The following LYPLAL1 variants were observed in gnomAD, a reference collection of about 807,000 sequenced individuals.
The protein encoded by LYPLAL1 is lysophospholipase-like protein 1.
Under a neutral mutation model 19.7 loss-of-function variants are expected in LYPLAL1, and 23 were observed. The ratio of observed to expected loss-of-function variants is 1.17; its 90% CI spans 0.84 to 1.65. The LOEUF (loss-of-function observed/expected upper bound fraction) is 1.65. Ranked by LOEUF, LYPLAL1 falls within the 40% of genes most tolerant of loss-of-function variation. The pLI is 0.00. For synonymous variants in LYPLAL1, 119 were observed against 96.3 expected, an observed-to-expected ratio of 1.24 and a Z score of -1.38; for missense variants, 355 against 279.4, an observed-to-expected ratio of 1.27 and a Z score of -1.93.
At chr1:219,315,758 C>T in the LYPLAL1 span, among the ~76,000 whole-genome samples, 3 of 152,112 alleles carry the variant, frequency 2.0e-5, no homozygotes, top group Non-Finnish European at 2.9e-5. Context: ...CAGATACTGG[C>T]AAAATTTCAG....
At chr1:219,415,721 C>T in the LYPLAL1 span, among the ~76,000 whole-genome samples, 1 of 152,200 alleles carries the variant, frequency 6.6e-6, no homozygotes, top group African/African-American at 2.4e-5. Context: ...TTTTGTCTCC[C>T]AGTTCTAGGG....
At chr1:219,311,789 A>G in the LYPLAL1 span, among the ~76,000 whole-genome samples, 2 of 152,282 alleles carry the variant, frequency 1.3e-5, no homozygotes, top group African/African-American at 2.4e-5. Flanking sequence ...CTGATTTTGT[A>G]CCTGGTGCTG....
the LYPLAL1 span, among the ~76,000 whole-genome samples, chr1:219,343,567 A>C: frequency 6.6e-6 from 1 of 152,184 alleles, no homozygotes; most frequent in African/African-American, 2.4e-5. Flanking sequence ...TACCACTTTC[A>C]AAATGTTGCA....
chr1:219,254,701 G>C, the LYPLAL1 span, among the ~76,000 whole-genome samples: 2 of 151,940 alleles, frequency 1.3e-5, no homozygotes, highest in African/African-American at 4.8e-5. Context: ...CTGTCTAGCT[G>C]CCTTTAACAT....
At position 219,211,614 on chromosome 1, in the gene LYPLAL1, C is replaced by T; in HGVS notation, c.600C>T (p.Thr200=). The change falls in exon 5 of 5, where the codon ACC becomes ACT. Residue 200 remains threonine (T), a synonymous_variant. Coordinates refer to ENST00000366928, the MANE Select transcript of LYPLAL1 (RefSeq NM_138794.5). ...CAATGTTAAAATCTCTAGGAGTGAC[C>T]ACGAAGTTTCATAGTTTTCCAAATG... ...TNSMLKSLGV[T]TKFHSFPNVY... The T allele has an allele frequency of 6.2e-7, 1 of 1,613,212 alleles. No homozygotes were observed. The highest frequency in any genetic ancestry group is 2.2e-5 in the East Asian group (1 of 44,830).
At chr1:219,356,761 C>G in the LYPLAL1 span, among the ~76,000 whole-genome samples, 1 of 152,060 alleles carries the variant, frequency 6.6e-6, no homozygotes, top group Admixed American at 6.6e-5. Flanking sequence ...AAATTACTTG[C>G]AATATGAAGT....
the LYPLAL1 span, among the ~76,000 whole-genome samples, chr1:219,232,459 C>A: frequency 6.6e-6 from 1 of 152,068 alleles, no homozygotes; most frequent in Admixed American, 6.6e-5. Context: ...AAGAAAGTTT[C>A]ATGATAATGG....
the LYPLAL1 span, among the ~76,000 whole-genome samples, chr1:219,307,459 C>A: frequency 6.6e-6 from 1 of 152,096 alleles, no homozygotes; most frequent in African/African-American, 2.4e-5. Context: ...AATAAATTTG[C>A]ATTTTGTTAA....
chr1:219,226,107 G>C, the LYPLAL1 span, among the ~76,000 whole-genome samples: 1 of 152,036 alleles, frequency 6.6e-6, no homozygotes, highest in African/African-American at 2.4e-5. Context: ...TTTACATGTT[G>C]GTCCTGTACC....
the LYPLAL1 span, among the ~76,000 whole-genome samples, chr1:219,367,696 G>A: frequency 3.9e-5 from 6 of 152,142 alleles, no homozygotes; most frequent in African/African-American, 1.4e-4. Flanking sequence ...TACATAAGCC[G>A]TGTTGACTCT....
chr1:219,177,070 A>G (rs1655878539), intron 1 of LYPLAL1, among the ~76,000 whole-genome samples: 1 of 152,250 alleles, frequency 6.6e-6, no homozygotes. Context: ...TAAAGTAGTC[A>G]GGTTATGCCT....
the LYPLAL1 span, among the ~76,000 whole-genome samples, chr1:219,241,134 C>CTCTCTCTCTATATATATATA: frequency 2.6e-3 from 117 of 44,296 alleles, no homozygotes; most frequent in Non-Finnish European, 4.1e-3. Context: ...CTCTCTCTCT[C>CTCTCTCTCTATATATATATA]TATATATATA....
At chr1:219,414,171 TTA>T in the LYPLAL1 span, among the ~76,000 whole-genome samples, 1 of 152,202 alleles carries the variant, frequency 6.6e-6, no homozygotes, top group African/African-American at 2.4e-5. Flanking sequence ...ATTTTTCCCA[TTA>T]TCACTGAATT....
the LYPLAL1 span, among the ~76,000 whole-genome samples, chr1:219,416,084 C>T: frequency 6.6e-6 from 1 of 152,174 alleles, no homozygotes; most frequent in Non-Finnish European, 1.5e-5. Flanking sequence ...ACTCCACACT[C>T]AATTTCTCCT....
the LYPLAL1 span, among the ~76,000 whole-genome samples, chr1:219,420,922 GA>G: frequency 6.6e-6 from 1 of 152,090 alleles, no homozygotes; most frequent in Non-Finnish European, 1.5e-5. Context: ...AGTCCATTCT[GA>G]AATTTTTATT....
At chr1:219,273,145 A>G in the LYPLAL1 span, 1 of 152,218 alleles carries the variant, frequency 6.6e-6, no homozygotes, top group Non-Finnish European at 1.5e-5. Flanking sequence ...ATTATTTACT[A>G]TATTTTGCTC....
chr1:219,306,715 T>C, the LYPLAL1 span, among the ~76,000 whole-genome samples: 74 of 147,812 alleles, frequency 5.0e-4, no homozygotes, highest in African/African-American at 1.8e-3. Flanking sequence ...TTAAGATATA[T>C]AGGTAGGTAG....
chr1:219,309,396 G>A, the LYPLAL1 span, among the ~76,000 whole-genome samples: 5 of 152,154 alleles, frequency 3.3e-5, no homozygotes, highest in African/African-American at 7.2e-5. Flanking sequence ...GACTTTGGGG[G>A]ACTGTTGGGA....
the LYPLAL1 span, among the ~76,000 whole-genome samples, chr1:219,301,105 C>T: frequency 6.6e-6 from 1 of 151,644 alleles, no homozygotes; most frequent in Non-Finnish European, 1.5e-5. Flanking sequence ...TACATGAAAT[C>T]AAAATGGGTT....
Sources: allele counts gnomAD v4.1 joint callset (sites outside exome capture counted in the v4.1 genomes callset), GRCh38; gene constraint gnomAD v4.1.1; transcripts MANE v1.5; gene names NCBI Gene and HGNC (gene_info 2026-07-23, HGNC 2026-07-21).